Variants in FHOD3 observed in about 807,000 individuals in gnomAD.
FHOD3 encodes the protein FH1/FH2 domain-containing protein 3.
A neutral mutation model predicts 173.0 loss-of-function variants in FHOD3; 90 were observed. The ratio of observed to expected loss-of-function variants is 0.52; its 90% CI spans 0.44 to 0.62. FHOD3 has a LOEUF of 0.62. Ranked by LOEUF, FHOD3 falls within the 20% of genes least tolerant of loss-of-function variation. The pLI is 0.00. For synonymous variants in FHOD3, 828 were observed against 823.0 expected, an observed-to-expected ratio of 1.01 and a Z score of -0.10; for missense variants, 1,945 against 2,034.7, an observed-to-expected ratio of 0.96 and a Z score of 0.85.
chr18:36,607,791 T>C (rs1441678696), intron 8 of FHOD3, among the ~76,000 whole-genome samples: 1 of 152,246 alleles, frequency 6.6e-6, no homozygotes, highest in Non-Finnish European at 1.5e-5. Flanking sequence ...CTGACTTTCA[T>C]TAGAGCCCTA....
intron 3 of FHOD3, among the ~76,000 whole-genome samples, chr18:36,460,942 C>A (rs1474001443): frequency 6.6e-6 from 1 of 152,174 alleles, no homozygotes; most frequent in Non-Finnish European, 1.5e-5. Flanking sequence ...ATGCTGACCC[C>A]TGGGCATAGC....
intron 6 of FHOD3, among the ~76,000 whole-genome samples, chr18:36,581,536 C>T (rs2058851317): frequency 6.6e-6 from 1 of 152,190 alleles, no homozygotes. Context: ...CCCATTGGAT[C>T]TCATCCTTCC....
At chr18:36,760,510 CAGA>C in intron 26 of FHOD3, 95 bp from the exon 27 acceptor site, 1 of 1,171,462 alleles carries the variant, frequency 8.5e-7, no homozygotes, top group Non-Finnish European at 1.2e-6. Flanking sequence ...CAAAACAAGA[CAGA>C]GGAGAGGAGC....
chr18:36,720,750 TCTCCTCCTG>T (rs2040732090), intron 19 of FHOD3, among the ~76,000 whole-genome samples: 1 of 111,552 alleles, frequency 9.0e-6, no homozygotes, highest in Admixed American at 9.0e-5. Flanking sequence ...TCCTCCTTCT[TCTCCTCCTG>T]CTCCTTCTCC....
chr18:36,559,050 C>A (rs1232527312), intron 5 of FHOD3, among the ~76,000 whole-genome samples: 1 of 152,198 alleles, frequency 6.6e-6, no homozygotes, highest in Non-Finnish European at 1.5e-5. Context: ...CTACAACCAA[C>A]TCGGTCATCT....
chr18:36,384,570 C>CA (rs57653216), intron 3 of FHOD3, among the ~76,000 whole-genome samples: 54,611 of 114,896 alleles, frequency 0.48, 11,358 homozygotes, highest in East Asian at 0.82. Flanking sequence ...AACTGCATCT[C>CA]AAAAAAAAAA....
chr18:36,527,490 A>G (rs554520259), intron 5 of FHOD3, among the ~76,000 whole-genome samples: 19 of 152,264 alleles, frequency 1.2e-4, no homozygotes, highest in South Asian at 1.2e-3. Flanking sequence ...TTGCGGTTGT[A>G]TGACCGGGCA....
intron 14 of FHOD3, among the ~76,000 whole-genome samples, chr18:36,665,765 G>T (rs149196246): frequency 2.1e-3 from 323 of 152,280 alleles, no homozygotes; most frequent in African/African-American, 7.5e-3. Flanking sequence ...GAGAGGAGAT[G>T]GGAAGGAAGA....
chr18:36,720,778 C>CT (rs1600409415), intron 19 of FHOD3, among the ~76,000 whole-genome samples: 77 of 38,728 alleles, frequency 2.0e-3, no homozygotes, highest in South Asian at 4.2e-3. Context: ...CCTCCTCCTC[C>CT]TCTTCCTCCT....
At chr18:36,339,563 G>A (rs763438584) in intron 1 of FHOD3, among the ~76,000 whole-genome samples, 2 of 152,176 alleles carry the variant, frequency 1.3e-5, no homozygotes, top group Non-Finnish European at 2.9e-5. Flanking sequence ...GGGGCTTGGC[G>A]CTTCTGCCTC....
At chr18:36,504,697 A>T (rs2055210444) in intron 4 of FHOD3, among the ~76,000 whole-genome samples, 2 of 152,116 alleles carry the variant, frequency 1.3e-5, no homozygotes, top group African/African-American at 4.8e-5. Context: ...TACATATGTA[A>T]CTAACCTGCA....
intron 3 of FHOD3, among the ~76,000 whole-genome samples, chr18:36,427,286 TAAAAAAAAAA>T (rs35854743): frequency 1.3e-5 from 1 of 79,476 alleles, no homozygotes; most frequent in African/African-American, 4.6e-5. Context: ...CTTGCTTCTC[TAAAAAAAAAA>T]AAAAAAAAAA....
chr18:36,747,276 G>C (rs928940853), intron 24 of FHOD3, 141 bp downstream of exon 24: 3 of 519,954 alleles, frequency 5.8e-6, no homozygotes, highest in African/African-American at 2.0e-5. Flanking sequence ...TGATACAGAT[G>C]TTTAACAGTT....
At chr18:36,693,107 A>G in intron 16 of FHOD3, 102 bp from the exon 17 acceptor site, 4 of 1,187,648 alleles carry the variant, frequency 3.4e-6, no homozygotes, top group Admixed American at 2.0e-5. Context: ...TGCTGTGTGC[A>G]TCAGGAAACC....
At chr18:36,438,418 C>T (rs765268793) in intron 3 of FHOD3, among the ~76,000 whole-genome samples, 17 of 152,268 alleles carry the variant, frequency 1.1e-4, no homozygotes, top group East Asian at 5.8e-4. Context: ...CTTCCCTCTC[C>T]CACCGGCTCC....
chr18:36,446,410 C>CTT (rs370689817), intron 3 of FHOD3, among the ~76,000 whole-genome samples: 126 of 144,148 alleles, frequency 8.7e-4, no homozygotes, highest in Middle Eastern at 7.4e-3. Context: ...CCTCTGCGGA[C>CTT]TTTTTTTTTT....
intron 1 of FHOD3, among the ~76,000 whole-genome samples, chr18:36,305,163 AC>A (rs2144520676): frequency 6.6e-6 from 1 of 152,304 alleles, no homozygotes; most frequent in Non-Finnish European, 1.5e-5. Context: ...CAAAATATAT[AC>A]CCAGAAGTTT....
rs112617710 is a variant in FHOD3 at position 36,655,589 on chromosome 18, C to A, written c.1721+2173C>A. 8.7e-3 allele frequency among the ~76,000 whole-genome samples: 1,328 copies of A among 152,304 alleles called. 20 individuals are homozygous for A. Among genetic ancestry groups the A allele is most frequent in the African/African-American group, 0.03 (1,258 of 41,544 alleles). ...CACTTCTCCAGCAGGAACTTGGATA[C>A]TGTACAAGTATTGTTCCTATTGATT... On this transcript the variant is annotated intron_variant, in intron 13 of 28. Coordinates refer to ENST00000590592, the MANE Select transcript of FHOD3 (RefSeq NM_001281740.3).
intron 5 of FHOD3, among the ~76,000 whole-genome samples, chr18:36,550,996 C>G (rs538512676): frequency 6.6e-6 from 1 of 152,054 alleles, no homozygotes; most frequent in Admixed American, 6.6e-5. Context: ...TACTCCCCAT[C>G]CTAAAAGAAA....
Sources: allele counts gnomAD v4.1 joint callset (sites outside exome capture counted in the v4.1 genomes callset), GRCh38; gene constraint gnomAD v4.1.1; transcripts MANE v1.5; gene names NCBI Gene and HGNC (gene_info 2026-07-23, HGNC 2026-07-21).